PCDH9: variants seen among roughly 807,000 people sequenced by gnomAD.
The protein encoded by PCDH9 is protocadherin 9.
Under a neutral mutation model 70.6 loss-of-function variants are expected in PCDH9, and 24 were observed. That is an observed-to-expected ratio of 0.34 (90% CI 0.25 to 0.48). PCDH9 has a LOEUF of 0.48. Among genes scored for constraint, PCDH9 ranks in the 20% least tolerant of loss-of-function variants. The pLI is 0.99. For missense variants in PCDH9, 1,281 were observed against 1,503.6 expected (o/e 0.85, Z 2.45); for synonymous variants, 562 against 558.5 (o/e 1.01, Z -0.09).
At chr13:66,558,881 A>T (rs1322698741) in intron 4 of PCDH9, among the ~76,000 whole-genome samples, 2 of 152,156 alleles carry the variant, frequency 1.3e-5, no homozygotes, top group East Asian at 3.9e-4. Flanking sequence ...TTTCAGTTGT[A>T]ATTAAGGGAA....
chr13:67,196,253 G>C (rs1453351518), intron 2 of PCDH9, among the ~76,000 whole-genome samples: 1 of 152,116 alleles, frequency 6.6e-6, no homozygotes, highest in Non-Finnish European at 1.5e-5. Context: ...ACCAGGTATA[G>C]TAGCGCTAAT....
intron 4 of PCDH9, among the ~76,000 whole-genome samples, chr13:66,389,666 G>C (rs749033314): frequency 6.6e-6 from 1 of 152,146 alleles, no homozygotes; most frequent in Non-Finnish European, 1.5e-5. Context: ...AAACTTAGCT[G>C]GTAAAGGGAC....
intron 4 of PCDH9, among the ~76,000 whole-genome samples, chr13:66,461,606 G>C (rs750156315): frequency 6.6e-6 from 1 of 150,914 alleles, no homozygotes; most frequent in Non-Finnish European, 1.5e-5. Flanking sequence ...GCTTGCAGGA[G>C]ATACCATGAC....
intron 4 of PCDH9, among the ~76,000 whole-genome samples, chr13:66,340,797 C>T (rs1196411378): frequency 6.6e-6 from 1 of 152,110 alleles, no homozygotes; most frequent in Non-Finnish European, 1.5e-5. Flanking sequence ...ACAAGTAGGT[C>T]ATAGGTAAAC....
intron 4 of PCDH9, among the ~76,000 whole-genome samples, chr13:66,499,574 G>C (rs1224649473): frequency 1.3e-5 from 2 of 152,184 alleles, no homozygotes; most frequent in Admixed American, 1.3e-4. Context: ...AAGCTACACT[G>C]CCCATGGGAG....
At chr13:66,400,105 G>A (rs1957162905) in intron 4 of PCDH9, among the ~76,000 whole-genome samples, 1 of 152,164 alleles carries the variant, frequency 6.6e-6, no homozygotes, top group Admixed American at 6.6e-5. Flanking sequence ...ACTGCAGCCT[G>A]CTCCTCTCCT....
At chr13:66,584,575 G>T (rs78594957) in intron 4 of PCDH9, among the ~76,000 whole-genome samples, 5 of 152,022 alleles carry the variant, frequency 3.3e-5, no homozygotes, top group African/African-American at 7.2e-5. Flanking sequence ...TCATTATGCC[G>T]CTATAACATT....
rs924355304 is a variant in PCDH9 at position 66,302,955 on chromosome 13, C to T, written c.*1700G>A. The T allele has an allele frequency of 6.6e-6, 1 of 152,432 alleles. No homozygotes were observed. The highest frequency in any genetic ancestry group is 6.6e-5 in the Admixed American group (1 of 15,218). 9.4% of individuals were successfully genotyped at this position (152,432 alleles called of 1,614,324 possible). A position where few individuals can be genotyped will look rare whatever the true frequency, so the allele number is the denominator to read the frequency against. On this transcript the variant is annotated 3_prime_UTR_variant, in exon 5 of 5. Transcript: ENST00000377865. ...TGTCAAAGTCATCAAACACCCCTCA[C>T]AAACCGACAAAAATGTACTTCAATA...
intron 4 of PCDH9, among the ~76,000 whole-genome samples, chr13:66,422,933 G>A (rs1490575733): frequency 6.6e-6 from 1 of 152,040 alleles, no homozygotes; most frequent in Non-Finnish European, 1.5e-5. Context: ...AAGAAGAAAA[G>A]AGAGAAGATC....
chr13:66,975,007 T>C (rs183936303), intron 2 of PCDH9, among the ~76,000 whole-genome samples: 2 of 152,198 alleles, frequency 1.3e-5, no homozygotes, highest in Non-Finnish European at 2.9e-5. Context: ...AGGTTTTTAC[T>C]CCTTTGTTTA....
chr13:67,112,494 CA>C (rs1221135093), intron 2 of PCDH9, among the ~76,000 whole-genome samples: 1 of 152,112 alleles, frequency 6.6e-6, no homozygotes, highest in Non-Finnish European at 1.5e-5. Context: ...AAGAGATTAT[CA>C]TTTGCACTGG....
chr13:66,725,939 G>T (rs193063775), intron 3 of PCDH9, among the ~76,000 whole-genome samples: 1 of 152,278 alleles, frequency 6.6e-6, no homozygotes, highest in Admixed American at 6.5e-5. Context: ...TTAGGTTGGT[G>T]TTGGTTTAAA....
At chr13:66,431,641 C>G (rs1210360518) in intron 4 of PCDH9, among the ~76,000 whole-genome samples, 1 of 151,986 alleles carries the variant, frequency 6.6e-6, no homozygotes, top group East Asian at 1.9e-4. Context: ...TAACAATACA[C>G]ATTGACACAA....
intron 4 of PCDH9, among the ~76,000 whole-genome samples, chr13:66,602,364 A>G (rs2077174210): frequency 6.8e-6 from 1 of 146,200 alleles, no homozygotes; most frequent in South Asian, 2.2e-4. Context: ...TAACAGCTCC[A>G]TACATGTTAT....
chr13:66,735,174 AATT>A (rs1275974900), intron 3 of PCDH9, among the ~76,000 whole-genome samples: 1 of 152,192 alleles, frequency 6.6e-6, no homozygotes, highest in East Asian at 1.9e-4. Context: ...AGTATCAGCT[AATT>A]AGGGCAGCTG....
Position 67,225,998 on chromosome 13 carries a change from T to C in PCDH9, c.2443A>G (p.Ile815Val). Residue 815 changes from isoleucine to valine, a missense_variant, in exon 2 of 5, where the codon ATC becomes GTC. Coordinates refer to ENST00000377865, the MANE Select transcript of PCDH9 (RefSeq NM_203487.3). Reference sequence around the variant, plus strand: ...GCACCGGCGATGATGGCAATCATGATGGTTAGATAGTCCTCATTTTGATAG... The same window carrying C: ...GCACCGGCGATGATGGCAATCATGACGGTTAGATAGTCCTCATTTTGATAG... ...QPYQNEDYLT[I>V]MIAIIAGAMV... 5 of 1,614,090 alleles carry C rather than the reference T, an allele frequency of 3.1e-6. No homozygotes were observed. Among genetic ancestry groups the C allele is most frequent in the Non-Finnish European group, 4.2e-6 (5 of 1,179,996 alleles).
At chr13:66,455,167 C>T (rs1958293975) in intron 4 of PCDH9, among the ~76,000 whole-genome samples, 1 of 151,834 alleles carries the variant, frequency 6.6e-6, no homozygotes, top group African/African-American at 2.4e-5. Context: ...AACAATAAAA[C>T]CTTTTTAATA....
At chr13:67,229,462 TA>T (rs1237063407) in intron 1 of PCDH9, among the ~76,000 whole-genome samples, 1 of 152,194 alleles carries the variant, frequency 6.6e-6, no homozygotes, top group Non-Finnish European at 1.5e-5. Context: ...TTGCCACACA[TA>T]AATACTGCAA....
At chr13:66,532,538 A>C (rs886355793) in intron 4 of PCDH9, among the ~76,000 whole-genome samples, 1 of 152,010 alleles carries the variant, frequency 6.6e-6, no homozygotes, top group Non-Finnish European at 1.5e-5. Flanking sequence ...TATTTGATTA[A>C]TTTTTTTTGT....
Sources: allele counts gnomAD v4.1 joint callset (sites outside exome capture counted in the v4.1 genomes callset), GRCh38; gene constraint gnomAD v4.1.1; transcripts MANE v1.5; gene names NCBI Gene and HGNC (gene_info 2026-07-23, HGNC 2026-07-21).